POTEE: variants seen among roughly 807,000 people sequenced by gnomAD.
The protein encoded by POTEE is POTE ankyrin domain family member E.
POTEE carries 21 observed loss-of-function variants against 74.2 expected under a neutral mutation model. The observed-to-expected ratio is 0.28, with a 90% confidence interval of 0.20 to 0.41. The LOEUF is 0.41. POTEE is among the 10% of genes least tolerant of loss of function. The pLI, the probability that POTEE is intolerant of heterozygous loss-of-function variation, is 1.00. For missense variants in POTEE, 525 were observed against 1,158.6 expected (o/e 0.45, Z 7.94); for synonymous variants, 211 against 432.8 (o/e 0.49, Z 6.36).
intron 4 of POTEE, among the ~76,000 whole-genome samples, chr2:131,219,913 G>A (rs1700562639): frequency 6.6e-6 from 1 of 151,900 alleles, no homozygotes. Flanking sequence ...AAATGTGCAT[G>A]TTATTTATTT....
intron 6 of POTEE, 37 bp from the exon 7 acceptor site, chr2:131,226,786 T>C: frequency 6.2e-7 from 1 of 1,610,808 alleles, no homozygotes; most frequent in Non-Finnish European, 8.5e-7. Context: ...TGTACTTTTT[T>C]GAATTACATA....
At chr2:131,237,642 A>T (rs1398724672) in intron 10 of POTEE, among the ~76,000 whole-genome samples, 1 of 151,714 alleles carries the variant, frequency 6.6e-6, no homozygotes, top group Non-Finnish European at 1.5e-5. Context: ...ATATAATCTC[A>T]ATTAAAATTT....
intron 4 of POTEE, among the ~76,000 whole-genome samples, chr2:131,219,285 A>G (rs528856220): frequency 6.6e-6 from 1 of 151,642 alleles, no homozygotes; most frequent in Admixed American, 6.6e-5. Flanking sequence ...AAGCCCCATA[A>G]CACATCAACT....
intron 4 of POTEE, among the ~76,000 whole-genome samples, chr2:131,219,587 A>G (rs1333082790): frequency 6.6e-6 from 1 of 152,172 alleles, no homozygotes; most frequent in East Asian, 1.9e-4. Flanking sequence ...TATAAAAAAA[A>G]TTAGCTGGGT....
intron 2 of POTEE, among the ~76,000 whole-genome samples, chr2:131,212,796 T>TC (rs913988015): frequency 3.5e-4 from 53 of 150,070 alleles, no homozygotes; most frequent in African/African-American, 1.3e-3. Flanking sequence ...ACTCCCGACT[T>TC]CAAGTGATCC....
intron 2 of POTEE, among the ~76,000 whole-genome samples, chr2:131,212,251 G>A (rs1332717425): frequency 1.3e-5 from 2 of 151,830 alleles, no homozygotes; most frequent in African/African-American, 4.8e-5. Context: ...TATGCCTAGT[G>A]TTCCATTATT....
rs1318779847 is a variant in POTEE at position 131,217,768 on chromosome 2, C to T, written c.-94+85C>T. Among the ~76,000 whole-genome samples the T allele has an allele frequency of 5.6e-4, 6 of 10,724 alleles. No homozygotes were observed. The South Asian group carries it at 8.1e-3, about 14-fold the overall frequency. The allele number at this position is 10,724 out of a possible 152,430, so 7.0% of individuals were successfully genotyped here. A position where few individuals can be genotyped will look rare whatever the true frequency, so the allele number is the denominator to read the frequency against. On this transcript the variant is annotated intron_variant, in intron 3 of 17. Coordinates refer to ENST00000683005, the MANE Select transcript of POTEE (RefSeq NM_001083538.3). ...CACGCCGCACGCCGCACGCCGCACGCGCACGCCGCACGCGCACGCGCACGC... is the reference window on the plus strand; with the variant it reads ...CACGCCGCACGCCGCACGCCGCACGTGCACGCCGCACGCGCACGCGCACGC...
At chr2:131,211,542 CTTTTTTT>C (rs1163533169) in intron 2 of POTEE, among the ~76,000 whole-genome samples, 7 of 11,378 alleles carry the variant, frequency 6.2e-4, no homozygotes, top group African/African-American at 1.9e-3. Flanking sequence ...GTGTGTGTGG[CTTTTTTT>C]TTTTTTTTTT....
At chr2:131,216,309 C>T (rs1003064438) in intron 2 of POTEE, among the ~76,000 whole-genome samples, 3 of 152,194 alleles carry the variant, frequency 2.0e-5, no homozygotes, top group Non-Finnish European at 4.4e-5. Context: ...ATTCCAATGT[C>T]ATTCTTCACA....
chr2:131,217,822 C>A (rs1172928937), intron 3 of POTEE, among the ~76,000 whole-genome samples, 139 bp downstream of exon 3: 2 of 150,648 alleles, frequency 1.3e-5, no homozygotes, highest in Non-Finnish European at 3.0e-5. Context: ...CTTGTAACGG[C>A]TTGCACGCGC....
chr2:131,215,731 T>G (rs1432441477), intron 2 of POTEE, among the ~76,000 whole-genome samples: 1 of 138,382 alleles, frequency 7.2e-6, no homozygotes, highest in Non-Finnish European at 1.5e-5. Context: ...GATAGGTTTT[T>G]TTTTAAATAA....
Position 131,211,175 on chromosome 2 carries a change from A to G in POTEE, c.-197A>G, listed in dbSNP as rs1280668265. 6.6e-6 allele frequency among the ~76,000 whole-genome samples: 1 copy of G among 151,800 alleles called. No homozygotes were observed. Among genetic ancestry groups the G allele is most frequent in the East Asian group, 1.9e-4 (1 of 5,134 alleles). On this transcript the variant is annotated 5_prime_UTR_variant, in exon 2 of 18. Transcript: ENST00000683005. ...TGGCAGCCACGGAGACTGCAGCTCGACAGGAGTGGTAGGAGGGTGCCCGCG... is the reference window on the plus strand; with the variant it reads ...TGGCAGCCACGGAGACTGCAGCTCGGCAGGAGTGGTAGGAGGGTGCCCGCG...
Position 131,263,496 on chromosome 2 carries a change from G to C in POTEE, c.2041G>C (p.Glu681Gln). ...AGAAAAGAAATATTTGGAGGATATT[G>C]AAAGTGTGAAAAAAAAGAATGATAA... The part of the protein sequence containing the change: ...LREKKYLEDI[E>Q]SVKKKNDNLL... Residue 681 changes from glutamate to glutamine, a missense_variant, in exon 18 of 18, where the codon GAA becomes CAA. Coordinates refer to ENST00000683005, the MANE Select transcript of POTEE (RefSeq NM_001083538.3). 1 of 1,611,778 alleles carries C rather than the reference G, an allele frequency of 6.2e-7. No homozygotes were observed. The highest frequency in any genetic ancestry group is 1.1e-5 in the South Asian group (1 of 90,964).
intron 1 of POTEE, among the ~76,000 whole-genome samples, chr2:131,210,188 C>A (rs1412177542): frequency 7.5e-6 from 1 of 133,404 alleles, no homozygotes; most frequent in African/African-American, 2.9e-5. Context: ...CTGCACTGCC[C>A]TTACTCAGGG....
rs1051963083 is a variant in POTEE at position 131,217,687 on chromosome 2, C to G, written c.-94+4C>G. ...CGTGGCGCCAAGACTTAAGCAGGCG[C>G]GTTGCATGCATCGGCCAGTGTCTGT... On this transcript the variant is annotated splice_donor_region_variant and intron_variant, in intron 3 of 17. Transcript: ENST00000683005. Among the ~76,000 whole-genome samples, 1 of 150,356 alleles carries G rather than the reference C, an allele frequency of 6.7e-6. No homozygotes were observed. Among genetic ancestry groups the G allele is most frequent in the Non-Finnish European group, 1.5e-5 (1 of 67,630 alleles).
chr2:131,235,792 CAAAAAA>C (rs1203876832), intron 9 of POTEE, among the ~76,000 whole-genome samples: 8 of 79,148 alleles, frequency 1.0e-4, no homozygotes, highest in South Asian at 5.5e-4. Flanking sequence ...GACCCTGGCT[CAAAAAA>C]AAAAAAAAAA....
chr2:131,233,666 A>C (rs1406773753), intron 9 of POTEE, among the ~76,000 whole-genome samples: 1 of 148,776 alleles, frequency 6.7e-6, no homozygotes, highest in Non-Finnish European at 1.5e-5. Context: ...GTAAGAAATA[A>C]CATTAATAGT....
At position 131,218,715 on chromosome 2, in the gene POTEE, T is replaced by A; in HGVS notation, c.313T>A (p.Cys105Ser). Reference sequence around the variant, plus strand: ...CAAGATGGGGAAGTGGTGCTGCCACTGCTTCCCCTGCTGCAGGGGGAGCGG... The same window carrying A: ...CAAGATGGGGAAGTGGTGCTGCCACAGCTTCCCCTGCTGCAGGGGGAGCGG... ...RNKMGKWCCHCFPCCRGSGKS... is the reference protein window; with the variant it reads ...RNKMGKWCCHSFPCCRGSGKS... Residue 105 changes from cysteine (C) to serine (S), a missense_variant, in exon 4 of 18, where the codon TGC becomes AGC. Physicochemically the swap from Cys to Ser is moderately radical, Grantham distance 112. Transcript: ENST00000683005. 1 of 1,568,112 alleles carries A rather than the reference T, an allele frequency of 6.4e-7. No homozygotes were observed. The highest frequency in any genetic ancestry group is 8.7e-7 in the Non-Finnish European group (1 of 1,147,596).
At chr2:131,243,730 T>G (rs1415744047) in intron 12 of POTEE, among the ~76,000 whole-genome samples, 1 of 135,012 alleles carries the variant, frequency 7.4e-6, no homozygotes, top group Non-Finnish European at 1.6e-5. Flanking sequence ...TAACCGGGTG[T>G]GGCAGCATGC....
Sources: allele counts gnomAD v4.1 joint callset (sites outside exome capture counted in the v4.1 genomes callset), GRCh38; gene constraint gnomAD v4.1.1; transcripts MANE v1.5; gene names NCBI Gene and HGNC (gene_info 2026-07-23, HGNC 2026-07-21).